Variants in LDB2 observed in about 807,000 individuals in gnomAD.
The protein encoded by LDB2 is LIM domain-binding protein 2.
LDB2 carries 12 observed loss-of-function variants against 44.3 expected under a neutral mutation model. The ratio of observed to expected loss-of-function variants is 0.27; its 90% CI spans 0.17 to 0.44. The LOEUF (loss-of-function observed/expected upper bound fraction) is 0.44, where lower values mean the gene tolerates loss of function less well. Ranked by LOEUF, LDB2 falls within the 20% of genes least tolerant of loss-of-function variation. The pLI is 1.00. For synonymous variants in LDB2, 164 were observed against 174.8 expected, an observed-to-expected ratio of 0.94 and a Z score of 0.49; for missense variants, 344 against 473.5, an observed-to-expected ratio of 0.73 and a Z score of 2.54.
intron 1 of LDB2, among the ~76,000 whole-genome samples, chr4:16,874,122 C>T (rs1054075889): frequency 2.6e-5 from 4 of 152,098 alleles, no homozygotes; most frequent in African/African-American, 9.7e-5. Context: ...AAAAATATCT[C>T]CAACTCCCTA....
chr4:16,877,247 T>C (rs1313330752), intron 1 of LDB2, among the ~76,000 whole-genome samples: 1 of 152,236 alleles, frequency 6.6e-6, no homozygotes, highest in Non-Finnish European at 1.5e-5. Flanking sequence ...CAACGAATCA[T>C]TCTCTTTTCC....
intron 2 of LDB2, among the ~76,000 whole-genome samples, chr4:16,636,287 C>T (rs1733576113): frequency 6.6e-6 from 1 of 152,198 alleles, no homozygotes; most frequent in African/African-American, 2.4e-5. Flanking sequence ...AGGAAAACCA[C>T]ACAAATGTGT....
intron 5 of LDB2, among the ~76,000 whole-genome samples, chr4:16,571,507 G>T (rs190622733): frequency 6.6e-6 from 1 of 150,948 alleles, no homozygotes; most frequent in African/African-American, 2.4e-5. Flanking sequence ...CCAGGTCTTT[G>T]ATCCAGATCT....
intron 5 of LDB2, among the ~76,000 whole-genome samples, chr4:16,561,318 C>T (rs1481100012): frequency 2.0e-5 from 3 of 152,052 alleles, no homozygotes; most frequent in Non-Finnish European, 4.4e-5. Flanking sequence ...TCTAGAAAAC[C>T]CCATCGTCTC....
intron 2 of LDB2, among the ~76,000 whole-genome samples, chr4:16,693,779 T>C (rs891601583): frequency 1.3e-5 from 2 of 152,166 alleles, no homozygotes; most frequent in African/African-American, 4.8e-5. Context: ...TCCCTGCAAA[T>C]ACACATCTTT....
intron 2 of LDB2, among the ~76,000 whole-genome samples, chr4:16,737,844 T>C (rs1762218406): frequency 6.6e-6 from 1 of 152,244 alleles, no homozygotes; most frequent in African/African-American, 2.4e-5. Context: ...TTTGTTTTTC[T>C]GTGTTTTAAG....
At position 16,514,292 on chromosome 4, in the gene LDB2, G is replaced by C. The variant is rs76790722; in HGVS notation, c.616-2188C>G. 7.9e-5 allele frequency among the ~76,000 whole-genome samples: 12 copies of C among 152,282 alleles called. No homozygotes were observed. The East Asian group carries it at 2.1e-3, about 27-fold the overall frequency. On this transcript the variant is annotated intron_variant, in intron 5 of 7. Coordinates refer to ENST00000304523, the MANE Select transcript of LDB2 (RefSeq NM_001290.5). ...TTAACTTGTCTTTTGTTATAGGAGT[G>C]ACCCTTATAATAGGTAAGAAAAGGA...
At chr4:16,611,638 C>T (rs116456214) in intron 2 of LDB2, among the ~76,000 whole-genome samples, 3,834 of 151,814 alleles carry the variant, frequency 0.025, 58 homozygotes, top group East Asian at 0.06. Flanking sequence ...TAGTGGTAAA[C>T]GGAGCAATTC....
At chr4:16,810,402 A>C (rs1382406898) in intron 1 of LDB2, among the ~76,000 whole-genome samples, 1 of 152,134 alleles carries the variant, frequency 6.6e-6, no homozygotes, top group Non-Finnish European at 1.5e-5. Flanking sequence ...TTATCTGTTT[A>C]TGTTTTCTAT....
intron 1 of LDB2, among the ~76,000 whole-genome samples, chr4:16,818,615 C>CAGGT (rs1781375725): frequency 6.6e-6 from 1 of 152,052 alleles, no homozygotes; most frequent in Admixed American, 6.6e-5. Flanking sequence ...TCTCAATGAC[C>CAGGT]ACCTACCAGG....
In LDB2 at chr4:16,731,201, G is replaced by A. The variant is rs141790138; in HGVS notation, c.235+27957C>T. On this transcript the variant is annotated intron_variant, in intron 2 of 7. Transcript: ENST00000304523. ...TAGTTGTTAGAACTGGAATGGAATG[G>A]AATGAAATGGGCTGGAATGGACTGG... Among the ~76,000 whole-genome samples the A allele has an allele frequency of 2.5e-3, 385 of 152,320 alleles. 2 individuals are homozygous for A. Among genetic ancestry groups the A allele is most frequent in the African/African-American group, 8.8e-3 (365 of 41,580 alleles).
intron 1 of LDB2, among the ~76,000 whole-genome samples, chr4:16,827,869 T>C (rs1374804859): frequency 1.3e-5 from 2 of 152,186 alleles, no homozygotes; most frequent in African/African-American, 4.8e-5. Flanking sequence ...GGGCCAGACC[T>C]CCCGACCCTT....
At chr4:16,790,125 A>G (rs1289216831) in intron 1 of LDB2, among the ~76,000 whole-genome samples, 4 of 152,158 alleles carry the variant, frequency 2.6e-5, no homozygotes, top group Admixed American at 6.5e-5. Context: ...TGATTAAAGC[A>G]CCCACTAAAT....
intron 2 of LDB2, 121 bp from the exon 3 acceptor site, chr4:16,595,996 GA>G: frequency 1.0e-6 from 1 of 992,076 alleles, no homozygotes; most frequent in East Asian, 2.7e-5. Flanking sequence ...ACCATACCAG[GA>G]GGCAAATTTC....
chr4:16,577,327 C>G (rs981969993), intron 5 of LDB2, among the ~76,000 whole-genome samples: 15 of 152,068 alleles, frequency 9.9e-5, no homozygotes, highest in Non-Finnish European at 4.4e-5. Context: ...TTTGGAAAAA[C>G]TTAAAGACTC....
At chr4:16,536,602 A>G (rs1731953319) in intron 5 of LDB2, among the ~76,000 whole-genome samples, 1 of 152,226 alleles carries the variant, frequency 6.6e-6, no homozygotes, top group Non-Finnish European at 1.5e-5. Flanking sequence ...GTACTATGGA[A>G]TGAGCACATT....
intron 1 of LDB2, among the ~76,000 whole-genome samples, chr4:16,807,751 C>G (rs1779052711): frequency 6.6e-6 from 1 of 152,162 alleles, no homozygotes; most frequent in Non-Finnish European, 1.5e-5. Flanking sequence ...AGCTAAGACA[C>G]AAAAGATCAA....
intron 5 of LDB2, among the ~76,000 whole-genome samples, chr4:16,522,141 GA>G (rs1198191684): frequency 2.3e-5 from 3 of 131,860 alleles, no homozygotes; most frequent in Non-Finnish European, 5.3e-5. Flanking sequence ...CTGGCTTATG[GA>G]AAGTGCTCTA....
intron 5 of LDB2, among the ~76,000 whole-genome samples, chr4:16,515,502 A>G (rs2152252528): frequency 6.6e-6 from 1 of 152,332 alleles, no homozygotes; most frequent in South Asian, 2.1e-4. Context: ...TTTCCAAGCC[A>G]TCAGTGCTCA....
Sources: gnomAD v4.1 joint callset for allele counts (sites outside exome capture counted in the v4.1 genomes callset) on GRCh38, gnomAD v4.1.1 for gene constraint, MANE v1.5 for transcripts, NCBI Gene and HGNC (gene_info 2026-07-23, HGNC 2026-07-21) for gene names.